Variants in ATP8B3 observed in about 807,000 individuals in gnomAD.
The protein encoded by ATP8B3 is phospholipid-transporting ATPase IK.
In ATP8B3, 141 loss-of-function variants were observed where a neutral mutation model predicts 140.9. That is an observed-to-expected ratio of 1.00 (90% CI 0.87 to 1.15). The LOEUF is 1.15. Ranked by LOEUF, ATP8B3 falls within the 50% of genes most tolerant of loss-of-function variation. ATP8B3 has a pLI of 0.00. For synonymous variants in ATP8B3, 765 were observed against 714.6 expected, an observed-to-expected ratio of 1.07 and a Z score of -1.13; for missense variants, 1,874 against 1,740.6, an observed-to-expected ratio of 1.08 and a Z score of -1.36.
rs1329894446 is a variant in ATP8B3 at position 1,791,817 on chromosome 19, G to A, written c.2235C>T (p.Val745=). 1 of 1,611,622 alleles carries A rather than the reference G, an allele frequency of 6.2e-7. No individual in the cohort carries two copies. Among genetic ancestry groups the A allele is most frequent in the Non-Finnish European group, 8.5e-7 (1 of 1,179,834 alleles). Residue 745 remains valine, a synonymous_variant, in exon 20 of 29, where the codon GTC becomes GTT. Coordinates refer to ENST00000310127, the MANE Select transcript of ATP8B3 (RefSeq NM_138813.4). ...TAIEDRLQDG[V]PETIKCLKKS... ...TCTTGAGACATTTGATGGTTTCAGGGACACCGTCCTGGAGTCTGTCCTCGA... is the reference window on the plus strand; with the variant it reads ...TCTTGAGACATTTGATGGTTTCAGGAACACCGTCCTGGAGTCTGTCCTCGA...
rs1442267278 is a variant in ATP8B3, at chr19:1,785,480, T to C, written c.3382A>G (p.Ile1128Val). ...AGGACCTTGCCCACCTCCATGGTGA[T>C]GGACAGCAGGCAAGACAGGGCCACC... Reference protein sequence around the residue: ...VVVALSCLLSITMEVILIIKY... With the variant: ...VVVALSCLLSVTMEVILIIKY... The change falls in exon 26 of 29, where the codon ATC (isoleucine) becomes GTC (valine). Residue 1128 changes from isoleucine (I) to valine (V), a missense_variant. By Grantham distance (29) the Ile-to-Val change is conservative. Coordinates refer to ENST00000310127, the MANE Select transcript of ATP8B3 (RefSeq NM_138813.4). 6.2e-7 allele frequency: 1 copy of C among 1,612,734 alleles called. No individual in the cohort carries two copies. Among genetic ancestry groups the C allele is most frequent in the Non-Finnish European group, 8.5e-7 (1 of 1,179,796 alleles).
chr19:1,809,221 G>A (rs552462277), intron 4 of ATP8B3, among the ~76,000 whole-genome samples: 2 of 147,402 alleles, frequency 1.4e-5, no homozygotes, highest in South Asian at 2.2e-4. Flanking sequence ...AGTGGCTTAC[G>A]CCTGTAATCC....
At chr19:1,803,991 T>G (rs2068934856) in intron 10 of ATP8B3, among the ~76,000 whole-genome samples, 1 of 151,146 alleles carries the variant, frequency 6.6e-6, no homozygotes, top group Non-Finnish European at 1.5e-5. Context: ...CCACCAGGGC[T>G]AAGCCTTTCC....
chr19:1,789,454 G>T lies in ATP8B3; in HGVS notation c.2752C>A (p.Gln918Lys). 1 of 1,597,870 alleles carries T rather than the reference G, an allele frequency of 6.3e-7. No individual in the cohort carries two copies. Among genetic ancestry groups the T allele is most frequent in the Non-Finnish European group, 8.5e-7 (1 of 1,179,060 alleles). ...AVICCRVTPK[Q>K]KALIVALVKK... ...ACCAGGGCCACGATCAGGGCCTTCT[G>T]CTTGGGCGTCACGCGGCAGCAGATG... The change falls in exon 23 of 29, where the codon CAG becomes AAG. Residue 918 changes from glutamine (Q) to lysine (K), a missense_variant. Coordinates refer to ENST00000310127, the MANE Select transcript of ATP8B3 (RefSeq NM_138813.4).
rs898067155 is a variant in ATP8B3 at position 1,782,606 on chromosome 19, T to C, written c.*422A>G. 10 of 245,112 alleles carry C rather than the reference T, an allele frequency of 4.1e-5. No individual in the cohort carries two copies. Among genetic ancestry groups the C allele is most frequent in the Admixed American group, 1.5e-4 (3 of 19,552 alleles). 15.2% of individuals were successfully genotyped at this position (245,112 alleles called of 1,614,324 possible). ...GGGCTTCAAAAATGCTGACTTCTCC[T>C]CCGAGGAGTCTGGCTGGCTCTCCAA... is the stretch of plus-strand genomic sequence containing the variant. On this transcript the variant is annotated 3_prime_UTR_variant, in exon 29 of 29. Transcript: ENST00000310127.
intron 14 of ATP8B3, chr19:1,799,483 C>G: frequency 4.3e-6 from 1 of 234,498 alleles, no homozygotes; most frequent in Non-Finnish European, 8.0e-6. Context: ...AAAAAAAAGT[C>G]GGCCGGGCGT....
chr19:1,791,941 C>A (rs1185203014), intron 19 of ATP8B3, 60 bp downstream of exon 19: 2 of 1,582,674 alleles, frequency 1.3e-6, no homozygotes, highest in South Asian at 1.1e-5. Context: ...AGTCCCAGGG[C>A]CCCCTTGGGT....
chr19:1,787,203 G>A lies in ATP8B3; in HGVS notation c.3070-17C>T. On this transcript the variant is annotated splice_polypyrimidine_tract_variant and intron_variant, in intron 24 of 28. Coordinates refer to ENST00000310127, the MANE Select transcript of ATP8B3 (RefSeq NM_138813.4). ...ATACAGGGGCTGAGCCGGGGGAGAAGGGCAAGGAGAACAAGTCAGCCTCCA... is the reference window on the plus strand; with the variant it reads ...ATACAGGGGCTGAGCCGGGGGAGAAAGGCAAGGAGAACAAGTCAGCCTCCA... 1 of 1,596,620 alleles carries A rather than the reference G, an allele frequency of 6.3e-7. No homozygotes were observed. Among genetic ancestry groups the A allele is most frequent in the Non-Finnish European group, 8.6e-7 (1 of 1,169,254 alleles).
In ATP8B3 at chr19:1,783,213, G is replaced by T. The variant is rs753908070; in HGVS notation, c.3718C>A (p.His1240Asn). Reference protein sequence around the residue: ...EEIFTMEPLPHVHRESRARRS... With the variant: ...EEIFTMEPLPNVHRESRARRS... ...CGGGCACGAGACTCCCGGTGTACAT[G>T]AGGCAAGGGCTCCATGGTGAAAATC... Residue 1240 changes from histidine (H) to asparagine (N), a missense_variant, in exon 29 of 29, where the codon CAT becomes AAT. By Grantham distance (68) the His-to-Asn change is moderately conservative. Around this residue, in one of 3 missense-constraint regions of ATP8B3, gnomAD observed 840 missense variants for 760.9 expected, o/e 1.10. Transcript: ENST00000310127. 1 of 1,612,454 alleles carries T rather than the reference G, an allele frequency of 6.2e-7. No homozygotes were observed. Among genetic ancestry groups the T allele is most frequent in the Non-Finnish European group, 8.5e-7 (1 of 1,179,300 alleles).
chr19:1,808,411 C>T lies in ATP8B3; in HGVS notation c.403-76G>A, dbSNP rs1345709689. On this transcript the variant is annotated intron_variant, in intron 4 of 28. Transcript: ENST00000310127. ...GGGATGGGGGTGCCCGAGGCCAGAC[C>T]TGCCTCACTTGGCCTCGCCCAGCAT... The T allele has an allele frequency of 5.4e-5, 60 of 1,102,034 alleles. 1 individual carries two copies. Among genetic ancestry groups the T allele is most frequent in the Non-Finnish European group, 7.7e-5 (57 of 736,876 alleles). 68.3% of individuals were successfully genotyped at this position (1,102,034 alleles called of 1,614,324 possible).
chr19:1,806,150 G>A lies in ATP8B3; in HGVS notation c.697C>T (p.Gln233Ter). ...ACCACATCCCCCACGCACAGATCCT[G>A]CCATTTCTTCTGCTTGAAGCTGCGG... Reference protein sequence around the residue: ...MGKSFKQKKWQDLCVGDVVCL... With the variant: ...MGKSFKQKKW Residue 233 changes from glutamine to a stop codon, truncating the protein, a stop_gained, in exon 8 of 29, where the codon CAG becomes TAG. Coordinates refer to ENST00000310127, the MANE Select transcript of ATP8B3 (RefSeq NM_138813.4). LOFTEE classifies it high-confidence loss of function. The surrounding 1 kb of genome is among the most constrained non-coding windows in gnomAD (Gnocchi z 5.6). 21 of 1,598,648 alleles carry A rather than the reference G, an allele frequency of 1.3e-5. No homozygotes were observed. Among genetic ancestry groups the A allele is most frequent in the Non-Finnish European group, 1.7e-5 (20 of 1,173,130 alleles).
At chr19:1,804,247 A>G (rs1168944873) in intron 10 of ATP8B3, among the ~76,000 whole-genome samples, 1 of 152,112 alleles carries the variant, frequency 6.6e-6, no homozygotes, top group East Asian at 1.9e-4. Context: ...TCACCCCAGA[A>G]CTTTGTGAGG....
intron 24 of ATP8B3, 33 bp downstream of exon 24, chr19:1,788,864 C>T (rs774637499): frequency 2.6e-6 from 4 of 1,547,812 alleles, no homozygotes; most frequent in Non-Finnish European, 1.7e-6. Flanking sequence ...CCCAGAGGCC[C>T]TGGTCATGGG....
In ATP8B3 at chr19:1,801,990, T is replaced by C. The variant is rs376399625; in HGVS notation, c.1118A>G (p.Lys373Arg). 1 of 1,612,760 alleles carries C rather than the reference T, an allele frequency of 6.2e-7. No individual in the cohort carries two copies. The highest frequency in any genetic ancestry group is 8.5e-7 in the Non-Finnish European group (1 of 1,179,720). ...NCGKIHLKRT[K>R]LDLLMNKLVV... is the part of the protein sequence containing the mutation. The stretch of plus-strand genomic sequence containing the variant: ...CAGCTTGTTCATCAGGAGGTCCAGC[T>C]TGGTTCTCTTCAAATGGATCTTGCC... The change falls in exon 12 of 29, where the codon AAG becomes AGG. Residue 373 changes from lysine (K) to arginine (R), a missense_variant. By Grantham distance (26) the Lys-to-Arg change is conservative. Coordinates refer to ENST00000310127, the MANE Select transcript of ATP8B3 (RefSeq NM_138813.4).
Position 1,811,784 on chromosome 19 carries a change from T to G in ATP8B3, c.-48A>C. On this transcript the variant is annotated 5_prime_UTR_variant, in exon 2 of 29. Transcript: ENST00000310127. ...GTTCAGGGCGAAGAGGGGTTTAGGC[T>G]GTGGGACGGGGGAGAGGTGGGGGAG... 8 of 1,524,732 alleles carry G rather than the reference T, an allele frequency of 5.2e-6. No individual in the cohort carries two copies. Among genetic ancestry groups the G allele is most frequent in the Non-Finnish European group, 7.0e-6 (8 of 1,140,928 alleles). 94.5% of individuals were successfully genotyped at this position (1,524,732 alleles called of 1,614,324 possible). A position where few individuals can be genotyped will look rare whatever the true frequency, so the allele number is the denominator to read the frequency against.
At chr19:1,810,580 A>G (rs1459434356) in intron 3 of ATP8B3, 42 bp downstream of exon 3, 2 of 1,591,098 alleles carry the variant, frequency 1.3e-6, no homozygotes, top group Non-Finnish European at 1.7e-6. Flanking sequence ...GAACTTCATA[A>G]TCCCTCCCAC....
chr19:1,811,697 C>T lies in ATP8B3; in HGVS notation c.40G>A (p.Ala14Thr). The T allele has an allele frequency of 6.2e-7, 1 of 1,605,678 alleles. No homozygotes were observed. The highest frequency in any genetic ancestry group is 8.5e-7 in the Non-Finnish European group (1 of 1,179,012). The part of the protein sequence containing the change: ...GPAQTPRSTR[A>T]GPEPSPAPPG... ...GGGGCAGGGCTTGGCTCAGGGCCAG[C>T]TCTGGTGCTCCTGGGAGTCTGAGCG... Residue 14 changes from alanine to threonine, a missense_variant, in exon 2 of 29, where the codon GCT (alanine) becomes ACT (threonine). This residue lies in a region of ATP8B3 where 1,032 missense variants were observed against 963.6 expected (regional missense o/e 1.07). Coordinates refer to ENST00000310127, the MANE Select transcript of ATP8B3 (RefSeq NM_138813.4).
chr19:1,811,549 G>C lies in ATP8B3; in HGVS notation c.188C>G (p.Pro63Arg), dbSNP rs752023352. The change falls in exon 2 of 29, where the codon CCT (proline) becomes CGT (arginine). Residue 63 changes from proline (P) to arginine (R), a missense_variant. By Grantham distance (103) the Pro-to-Arg change is moderately radical. Transcript: ENST00000310127. ...AGGCTGGGCCTTGTGCCTCCTCTCA[G>C]GTGCCCCTCTGCCTGGGGAGTCTCC... ...GMGDSPGRGA[P>R]ERRHKAQPGR... The C allele has an allele frequency of 6.2e-7, 1 of 1,612,234 alleles. No homozygotes were observed.
intron 10 of ATP8B3, among the ~76,000 whole-genome samples, chr19:1,804,871 C>T (rs929168410): frequency 1.3e-5 from 2 of 152,248 alleles, no homozygotes; most frequent in African/African-American, 4.8e-5. Context: ...TCTCAGAGGC[C>T]TTCCCACCAC....
Sources: allele counts gnomAD v4.1 joint callset (sites outside exome capture counted in the v4.1 genomes callset), GRCh38; gene constraint gnomAD v4.1.1; regional missense constraint gnomAD v4.1.1; non-coding constraint Gnocchi (gnomAD v3.1); transcripts MANE v1.5; gene names NCBI Gene and HGNC (gene_info 2026-07-23, HGNC 2026-07-21).